SIK2: variants seen among roughly 807,000 people sequenced by gnomAD.
SIK2 encodes the protein serine/threonine-protein kinase SIK2.
Under a neutral mutation model 103.2 loss-of-function variants are expected in SIK2, and 29 were observed. That is an observed-to-expected ratio of 0.28 (90% confidence interval 0.21 to 0.38). The LOEUF (loss-of-function observed/expected upper bound fraction) is 0.38. Among genes scored for constraint, SIK2 ranks in the 10% least tolerant of loss-of-function variants. The pLI, the probability that SIK2 is intolerant of heterozygous loss-of-function variation, is 1.00. For missense variants in SIK2, 879 were observed against 1,171.0 expected (o/e 0.75, Z 3.64); for synonymous variants, 412 against 446.1 (o/e 0.92, Z 0.96).
In SIK2 at chr11:111,712,333, G is replaced by A. The variant is rs142352977; in HGVS notation, c.1224G>A (p.Ala408=). 458 of 1,614,142 alleles carry A rather than the reference G, an allele frequency of 2.8e-4. 3 individuals carry two copies. The African/African-American group carries it at 5.0e-3, about 18-fold the overall frequency. The change falls in exon 9 of 15, where the codon GCG becomes GCA. Residue 408 remains alanine, a synonymous_variant. Transcript: ENST00000304987. ...CATTTCCAGCATCTGGCTGTCAGGC[G>A]GAAGCTGCATTCATGGAAGAAGAGT... ...AFSFPASGCQ[A]EAAFMEEECV...
chr11:111,681,684 T>C (rs1423393004), intron 3 of SIK2, among the ~76,000 whole-genome samples: 1 of 152,208 alleles, frequency 6.6e-6, no homozygotes, highest in Non-Finnish European at 1.5e-5. Context: ...TTCCAACCTA[T>C]TGAAGTTTTT....
intron 1 of SIK2, among the ~76,000 whole-genome samples, chr11:111,605,828 A>C (rs1393649686): frequency 6.6e-6 from 1 of 152,212 alleles, no homozygotes; most frequent in Admixed American, 6.5e-5. Context: ...CAAACAGTTT[A>C]ACATTGTTTA....
chr11:111,701,088 C>G lies in SIK2; in HGVS notation c.603+78C>G. On this transcript the variant is annotated intron_variant, in intron 5 of 14. Coordinates refer to ENST00000304987, the MANE Select transcript of SIK2 (RefSeq NM_015191.3). This position sits in a 1 kb window ranked among gnomAD's most constrained non-coding sequence, Gnocchi z 4.2. ...GTGTTCTGGCCCATCTTAGAAGCTC[C>G]TGGTACTTAACACATAAGCAGTATT... 1 of 1,536,544 alleles carries G rather than the reference C, an allele frequency of 6.5e-7. No homozygotes were observed. Among genetic ancestry groups the G allele is most frequent in the African/African-American group, 1.4e-5 (1 of 72,464 alleles).
chr11:111,707,306 T>TA (rs1270515672), intron 8 of SIK2, among the ~76,000 whole-genome samples: 1 of 152,192 alleles, frequency 6.6e-6, no homozygotes, highest in Non-Finnish European at 1.5e-5. Flanking sequence ...GTGCATGTGT[T>TA]ATTGTACACG....
intron 3 of SIK2, among the ~76,000 whole-genome samples, chr11:111,669,776 A>T (rs935958971): frequency 5.3e-5 from 8 of 151,948 alleles, no homozygotes; most frequent in Non-Finnish European, 1.0e-4. Context: ...TGCCTTTCGA[A>T]TGCATCATTT....
intron 3 of SIK2, among the ~76,000 whole-genome samples, chr11:111,687,595 G>GT (rs201226025): frequency 5.2e-5 from 7 of 133,906 alleles, no homozygotes; most frequent in East Asian, 2.1e-4. Context: ...ACTAATTATT[G>GT]TTTTTTTTAA....
At chr11:111,609,692 T>C (rs1284653269) in intron 1 of SIK2, among the ~76,000 whole-genome samples, 1 of 152,178 alleles carries the variant, frequency 6.6e-6, no homozygotes, top group Non-Finnish European at 1.5e-5. Context: ...TGGAAAAAAG[T>C]CTCCTTTTTA....
At chr11:111,653,627 G>A (rs546221454) in intron 3 of SIK2, among the ~76,000 whole-genome samples, 1 of 152,300 alleles carries the variant, frequency 6.6e-6, no homozygotes, top group Non-Finnish European at 1.5e-5. Context: ...AGATATGAAC[G>A]TGCATATTGC....
rs1944057064 is a variant in SIK2, at chr11:111,728,598, T to G, written c.*4469T>G. ...GCCACCACACCCGACCTGGAATTTT[T>G]TTATAGAACTTATCTTCAGAGCAAT... is the stretch of plus-strand genomic sequence containing the variant. On this transcript the variant is annotated 3_prime_UTR_variant, in exon 15 of 15. Coordinates refer to ENST00000304987, the MANE Select transcript of SIK2 (RefSeq NM_015191.3). 1 of 152,054 alleles carries G rather than the reference T, an allele frequency of 6.6e-6. No homozygotes were observed. Among genetic ancestry groups the G allele is most frequent in the Non-Finnish European group, 1.5e-5 (1 of 68,026 alleles). 9.4% of individuals were successfully genotyped at this position (152,054 alleles called of 1,614,324 possible). A position where few individuals can be genotyped will look rare whatever the true frequency, so the allele number is the denominator to read the frequency against.
chr11:111,692,350 CAAAAAAAAAAAAAAAAAAAAAAAAAAA>C (rs763369049), intron 4 of SIK2, among the ~76,000 whole-genome samples: 1 of 26,482 alleles, frequency 3.8e-5, no homozygotes, highest in African/African-American at 1.1e-4. Context: ...GACTCAGTCT[CAAAAAAAAAAAAAAAAAAAAAAAAAAA>C]AAAAAAAAAA....
In SIK2 at chr11:111,721,747, C is replaced by A. The variant is rs547831432; in HGVS notation, c.1945-83C>A. 1.0e-4 allele frequency: 103 copies of A among 1,016,072 alleles called. 2 individuals are homozygous for A. The highest frequency in any genetic ancestry group is 8.6e-4 in the South Asian group (51 of 59,626). 62.9% of individuals were successfully genotyped at this position (1,016,072 alleles called of 1,614,324 possible). A position where few individuals can be genotyped will look rare whatever the true frequency, so the allele number is the denominator to read the frequency against. On this transcript the variant is annotated intron_variant, in intron 12 of 14. Coordinates refer to ENST00000304987, the MANE Select transcript of SIK2 (RefSeq NM_015191.3). ...CAGTGGAGTTGGTATTCCTATTGGA[C>A]ATTGCAAAGGTGCTTCAGCTAAGAA...
At chr11:111,654,682 T>C (rs1399512495) in intron 3 of SIK2, among the ~76,000 whole-genome samples, 5 of 152,216 alleles carry the variant, frequency 3.3e-5, no homozygotes, top group African/African-American at 1.2e-4. Flanking sequence ...TTTAAATTAG[T>C]TCCCCACACC....
At chr11:111,704,439 G>A (rs994237469) in intron 7 of SIK2, among the ~76,000 whole-genome samples, 1 of 152,182 alleles carries the variant, frequency 6.6e-6, no homozygotes, top group African/African-American at 2.4e-5. Flanking sequence ...GGGTGGGACT[G>A]CAAAAACAAG....
At position 111,616,249 on chromosome 11, in the gene SIK2, A is replaced by G; in HGVS notation, c.142A>G (p.Ile48Val). ...RHRITKTEVA[I>V]KIIDKSQLDA... ...TTTGTGTTCTGGGATGCAGGTGGCAATAAAAATAATCGATAAGTCTCAGCT... is the reference window on the plus strand; with the variant it reads ...TTTGTGTTCTGGGATGCAGGTGGCAGTAAAAATAATCGATAAGTCTCAGCT... The change falls in exon 2 of 15, where the codon ATA (isoleucine) becomes GTA (valine). Residue 48 changes from isoleucine (I) to valine (V), a missense_variant. Around this residue, in one of 7 missense-constraint regions of SIK2, gnomAD observed 126 missense variants for 245.5 expected, o/e 0.51. Transcript: ENST00000304987. The G allele has an allele frequency of 6.2e-7, 1 of 1,608,394 alleles. No individual in the cohort carries two copies. Among genetic ancestry groups the G allele is most frequent in the Non-Finnish European group, 8.5e-7 (1 of 1,175,194 alleles).
intron 7 of SIK2, 116 bp from the exon 8 acceptor site, chr11:111,704,871 T>G: frequency 2.4e-6 from 3 of 1,250,282 alleles, no homozygotes; most frequent in Non-Finnish European, 3.2e-6. Flanking sequence ...AGACACTTTG[T>G]TTTTCACCCT....
chr11:111,669,215 T>TGA (rs982080781), intron 3 of SIK2, among the ~76,000 whole-genome samples: 1 of 152,046 alleles, frequency 6.6e-6, no homozygotes, highest in African/African-American at 2.4e-5. Flanking sequence ...TTGGACAGGG[T>TGA]GAGAGAGAGA....
chr11:111,700,637 GTC>G (rs769224136), intron 4 of SIK2, among the ~76,000 whole-genome samples: 10 of 152,074 alleles, frequency 6.6e-5, no homozygotes, highest in Non-Finnish European at 1.3e-4. Flanking sequence ...TATTTTTCCA[GTC>G]TCTCACTTAC....
At position 111,722,237 on chromosome 11, in the gene SIK2, C is replaced by T. The variant is rs559406161; in HGVS notation, c.2055+297C>T. Among the ~76,000 whole-genome samples, 3 of 152,258 alleles carry T rather than the reference C, an allele frequency of 2.0e-5. No individual in the cohort carries two copies. Among genetic ancestry groups the T allele is most frequent in the Non-Finnish European group, 1.5e-5 (1 of 68,010 alleles). ...TAATTGTATTCCTCTTAATGAGTAACAAATAAAATGAAAACCTTAAGTCTG... is the reference window on the plus strand; with the variant it reads ...TAATTGTATTCCTCTTAATGAGTAATAAATAAAATGAAAACCTTAAGTCTG... On this transcript the variant is annotated intron_variant, in intron 13 of 14. Transcript: ENST00000304987. This position sits in a 1 kb window ranked among gnomAD's most constrained non-coding sequence, Gnocchi z 4.4.
At chr11:111,645,409 G>A (rs757375785) in intron 3 of SIK2, among the ~76,000 whole-genome samples, 1 of 152,146 alleles carries the variant, frequency 6.6e-6, no homozygotes, top group Non-Finnish European at 1.5e-5. Context: ...TGAATGACTC[G>A]TAAAAACATA....
Sources: gnomAD v4.1 joint callset for allele counts (sites outside exome capture counted in the v4.1 genomes callset) on GRCh38, gnomAD v4.1.1 for gene constraint, gnomAD v4.1.1 regional missense constraint, Gnocchi (gnomAD v3.1) non-coding constraint, MANE v1.5 for transcripts, NCBI Gene and HGNC (gene_info 2026-07-23, HGNC 2026-07-21) for gene names.